The following INO80 variants were observed in gnomAD, a reference collection of about 807,000 sequenced individuals.
INO80 encodes the protein chromatin-remodeling ATPase INO80.
A neutral mutation model predicts 203.4 loss-of-function variants in INO80; 20 were observed. The ratio of observed to expected loss-of-function variants is 0.10; its 90% CI spans 0.07 to 0.14. The LOEUF (loss-of-function observed/expected upper bound fraction) is 0.14. Among genes scored for constraint, INO80 ranks in the 10% least tolerant of loss-of-function variants. INO80 has a pLI of 1.00. For synonymous variants in INO80, 726 were observed against 685.2 expected (o/e 1.06, Z -0.93); for missense variants, 1,419 against 1,914.4 (o/e 0.74, Z 4.83).
At chr15:41,091,694 C>T (rs1472010672) in intron 5 of INO80, among the ~76,000 whole-genome samples, 2 of 130,960 alleles carry the variant, frequency 1.5e-5, no homozygotes, top group Admixed American at 9.2e-5. Context: ...CTCGCTCTGT[C>T]GCCAGGCTGG....
rs1275605716 is a variant in INO80 at position 41,048,276 on chromosome 15, C to T, written c.2577G>A (p.Arg859=). 1.9e-6 allele frequency: 3 copies of T among 1,609,852 alleles called. No individual in the cohort carries two copies. The highest frequency in any genetic ancestry group is 2.5e-6 in the Non-Finnish European group (3 of 1,176,594). The change falls in exon 22 of 36, where the codon AGG becomes AGA. Residue 859 remains arginine (R), a splice_region_variant and synonymous_variant. Transcript: ENST00000648947. The part of the protein sequence containing the change: ...QIRVFNHSRD[R]WLRVLSPFAP... ...CAAATGGAGAAAGAACCCTTAACCA[C>T]CTGCAAAGTAAGTAAATAAAATAAA...
chr15:41,008,803 C>T (rs2044089950), intron 27 of INO80, among the ~76,000 whole-genome samples: 1 of 152,186 alleles, frequency 6.6e-6, no homozygotes, highest in African/African-American at 2.4e-5. Flanking sequence ...CTGAGGGACA[C>T]ATCCCTTACC....
chr15:41,006,673 TTAGA>T (rs1400948109), intron 27 of INO80, among the ~76,000 whole-genome samples: 1 of 152,234 alleles, frequency 6.6e-6, no homozygotes, highest in African/African-American at 2.4e-5. Flanking sequence ...CAGCCTATTC[TTAGA>T]TGGAGTGAGT....
chr15:41,096,036 C>T (rs2045718564), intron 2 of INO80, 108 bp from the exon 3 acceptor site: 4 of 1,411,918 alleles, frequency 2.8e-6, no homozygotes, highest in Non-Finnish European at 3.8e-6. Flanking sequence ...AATAAATTGA[C>T]TTTTTTATTT....
intron 23 of INO80, 23 bp from the exon 24 acceptor site, chr15:41,045,098 C>G (rs760490618): frequency 3.8e-6 from 6 of 1,574,164 alleles, no homozygotes; most frequent in Non-Finnish European, 3.4e-6. Context: ...ACAGCAGACA[C>G]GCTTATTCAG....
chr15:40,995,727 T>C (rs930746118), intron 29 of INO80, among the ~76,000 whole-genome samples: 6 of 152,200 alleles, frequency 3.9e-5, no homozygotes, highest in African/African-American at 1.4e-4. Flanking sequence ...GCTGAAATTC[T>C]TAAAAGATAC....
chr15:41,050,284 CCTCTT>C (rs1317756779), intron 19 of INO80, among the ~76,000 whole-genome samples, 182 bp from the exon 20 acceptor site: 2 of 152,070 alleles, frequency 1.3e-5, no homozygotes, highest in Non-Finnish European at 2.9e-5. Flanking sequence ...ATTCCTTGGC[CCTCTT>C]CTCTTCATCA....
At chr15:41,098,164 CT>C (rs905192875) in intron 1 of INO80, among the ~76,000 whole-genome samples, 3 of 152,116 alleles carry the variant, frequency 2.0e-5, no homozygotes, top group African/African-American at 7.2e-5. Context: ...AAGTGATAAG[CT>C]TTAAAGGCAA....
At chr15:41,045,331 G>GT (rs1239102948) in intron 23 of INO80, among the ~76,000 whole-genome samples, 10 of 151,714 alleles carry the variant, frequency 6.6e-5, no homozygotes, top group African/African-American at 2.4e-4. Flanking sequence ...GCTCACGCCT[G>GT]TAATTTCAAC....
chr15:41,077,234 A>G (rs2045418637), intron 9 of INO80, among the ~76,000 whole-genome samples: 1 of 150,834 alleles, frequency 6.6e-6, no homozygotes, highest in Non-Finnish European at 1.5e-5. Context: ...TTTTTTTTCC[A>G]AAAAAGAGCA....
At chr15:41,023,245 A>G in intron 25 of INO80, 1 of 455,650 alleles carries the variant, frequency 2.2e-6, no homozygotes, top group Non-Finnish European at 4.4e-6. Flanking sequence ...AAGCAGGTGG[A>G]TGAAAATTGG....
chr15:41,046,197 GTATACATACATATA>G (rs2044758538), intron 23 of INO80, among the ~76,000 whole-genome samples: 1 of 105,148 alleles, frequency 9.5e-6, no homozygotes, highest in African/African-American at 5.0e-5. Flanking sequence ...CTCTGTGTGC[GTATACATACATATA>G]TATATATATA....
intron 24 of INO80, among the ~76,000 whole-genome samples, chr15:41,033,968 A>C (rs1472136435): frequency 6.6e-6 from 1 of 152,114 alleles, no homozygotes; most frequent in Non-Finnish European, 1.5e-5. Context: ...AGGCTGAGGC[A>C]GGAGAATGGC....
intron 11 of INO80, among the ~76,000 whole-genome samples, 188 bp downstream of exon 11, chr15:41,073,240 C>T (rs2045352620): frequency 6.6e-6 from 1 of 152,114 alleles, no homozygotes; most frequent in South Asian, 2.1e-4. Context: ...CTTCTAGTAT[C>T]CCTACTAATC....
At chr15:41,078,965 AC>A (rs1285329855) in intron 9 of INO80, among the ~76,000 whole-genome samples, 2 of 152,146 alleles carry the variant, frequency 1.3e-5, no homozygotes, top group Admixed American at 1.3e-4. Context: ...ACATAGTGAA[AC>A]CCTGTCTCTA....
At chr15:41,084,029 T>A in intron 7 of INO80, among the ~76,000 whole-genome samples, 1 of 152,126 alleles carries the variant, frequency 6.6e-6, no homozygotes, top group South Asian at 2.1e-4. Flanking sequence ...GTATCAACTT[T>A]TCTCAATTCA....
chr15:41,114,496 G>A (rs2046000316), intron 1 of INO80, among the ~76,000 whole-genome samples: 1 of 151,964 alleles, frequency 6.6e-6, no homozygotes, highest in Non-Finnish European at 1.5e-5. Context: ...ATCACTTGAG[G>A]TCAGGAGTTC....
intron 24 of INO80, among the ~76,000 whole-genome samples, chr15:41,035,770 C>T (rs540787470): frequency 1.7e-4 from 21 of 122,110 alleles, no homozygotes; most frequent in East Asian, 9.9e-4. Context: ...TGCAGTGAGC[C>T]GAGATCACAC....
intron 33 of INO80, 121 bp from the exon 34 acceptor site, chr15:40,984,042 C>T: frequency 1.5e-6 from 2 of 1,368,196 alleles, no homozygotes; most frequent in Non-Finnish European, 2.0e-6. Flanking sequence ...CCAACCTGTC[C>T]TCATTTGTTT....
Sources: allele counts gnomAD v4.1 joint callset (sites outside exome capture counted in the v4.1 genomes callset), GRCh38; gene constraint gnomAD v4.1.1; transcripts MANE v1.5; gene names NCBI Gene and HGNC (gene_info 2026-07-23, HGNC 2026-07-21).